Variants in ENTPD5 observed in about 807,000 individuals in gnomAD.
ENTPD5 encodes the protein nucleoside diphosphate phosphatase ENTPD5.
A neutral mutation model predicts 60.2 loss-of-function variants in ENTPD5; 49 were observed. The ratio of observed to expected loss-of-function variants is 0.81; its 90% CI spans 0.65 to 1.03. ENTPD5 has a LOEUF of 1.03. ENTPD5 is among the 50% of genes least tolerant of loss of function. ENTPD5 has a pLI of 0.00. For synonymous variants in ENTPD5, 187 were observed against 185.4 expected, an observed-to-expected ratio of 1.01 and a Z score of -0.07; for missense variants, 480 against 507.6, an observed-to-expected ratio of 0.95 and a Z score of 0.52.
In ENTPD5 at chr14:73,971,851, C is replaced by A; in HGVS notation, c.1084+1G>T. On this transcript the variant is annotated splice_donor_variant, in intron 14 of 15. Coordinates refer to ENST00000334696, the MANE Select transcript of ENTPD5 (RefSeq NM_001249.5). LOFTEE classifies it high-confidence loss of function. ...CTTCAAGGGCTTCCCCTGACACTTACCTTCCCTGGCTTTTCTTTCAAAATC... is the reference window on the plus strand; with the variant it reads ...CTTCAAGGGCTTCCCCTGACACTTAACTTCCCTGGCTTTTCTTTCAAAATC... The A allele has an allele frequency of 1.2e-6, 2 of 1,604,798 alleles. No individual in the cohort carries two copies. Among genetic ancestry groups the A allele is most frequent in the South Asian group, 1.1e-5 (1 of 90,900 alleles).
intron 6 of ENTPD5, among the ~76,000 whole-genome samples, chr14:73,979,943 A>ATTT (rs554438546): frequency 2.7e-4 from 34 of 127,550 alleles, no homozygotes; most frequent in South Asian, 1.3e-3. Flanking sequence ...TTTTGCCATG[A>ATTT]TTTTTTTTTT....
chr14:74,010,005 T>G (rs1030454688), intron 3 of ENTPD5, among the ~76,000 whole-genome samples: 1 of 152,118 alleles, frequency 6.6e-6, no homozygotes, highest in Non-Finnish European at 1.5e-5. Context: ...TTAGCCAGGA[T>G]GGTCTCGATC....
At chr14:74,010,272 C>T (rs577254739) in intron 3 of ENTPD5, among the ~76,000 whole-genome samples, 22 of 152,046 alleles carry the variant, frequency 1.4e-4, no homozygotes, top group Middle Eastern at 3.4e-3. Flanking sequence ...AAAGTGTTTT[C>T]GGCCAGGCGC....
chr14:74,005,586 T>C (rs955071307), intron 3 of ENTPD5, among the ~76,000 whole-genome samples: 11 of 152,004 alleles, frequency 7.2e-5, no homozygotes, highest in African/African-American at 2.4e-4. Flanking sequence ...GGGGAGTGGA[T>C]CACCTGAGGT....
chr14:73,976,126 G>A (rs1414668579), intron 9 of ENTPD5, 111 bp from the exon 10 acceptor site: 1 of 954,210 alleles, frequency 1.0e-6, no homozygotes, highest in African/African-American at 1.6e-5. Flanking sequence ...ACAGATTAAG[G>A]GGCTAATCTC....
chr14:73,975,117 T>G (rs1322692925), intron 10 of ENTPD5, 132 bp from the exon 11 acceptor site: 2 of 709,128 alleles, frequency 2.8e-6, no homozygotes, highest in African/African-American at 1.8e-5. Flanking sequence ...TGTGACATAT[T>G]CATCTCCTGT....
In ENTPD5 at chr14:73,986,849, G is replaced by T. The variant is rs754787824; in HGVS notation, c.262C>A (p.Pro88Thr). 5 of 1,613,962 alleles carry T rather than the reference G, an allele frequency of 3.1e-6. No homozygotes were observed. Among genetic ancestry groups the T allele is most frequent in the Non-Finnish European group, 3.4e-6 (4 of 1,179,982 alleles). ...TGATCTACAAAAGCAGAAAGTCCTG[G>T]CTTCACAGAATCAAAAACTTCCCCT... Reference protein sequence around the residue: ...LEGEVFDSVKPGLSAFVDQPK... With the variant: ...LEGEVFDSVKTGLSAFVDQPK... Residue 88 changes from proline to threonine, a missense_variant, in exon 5 of 16, where the codon CCA becomes ACA. Transcript: ENST00000334696.
Position 74,014,566 on chromosome 14 carries a change from T to C in ENTPD5, c.-131+1258A>G, listed in dbSNP as rs10137581. The stretch of plus-strand genomic sequence containing the variant: ...ACCCTGTCATTCATTAACAAATAAA[T>C]AAACAAATAATTATCTGTGGTAACA... On this transcript the variant is annotated intron_variant, in intron 2 of 15. Coordinates refer to ENST00000334696, the MANE Select transcript of ENTPD5 (RefSeq NM_001249.5). Among the ~76,000 whole-genome samples, 1,252 of 151,908 alleles carry C rather than the reference T, an allele frequency of 8.2e-3. 17 individuals are homozygous for C. The highest frequency in any genetic ancestry group is 0.029 in the African/African-American group (1,189 of 41,414).
chr14:74,003,558 G>A, intron 3 of ENTPD5: 1 of 692,640 alleles, frequency 1.4e-6, no homozygotes, highest in Non-Finnish European at 2.5e-6. Flanking sequence ...CAAGTTGTGG[G>A]ACTGCATGCT....
intron 3 of ENTPD5, among the ~76,000 whole-genome samples, chr14:74,002,045 T>G (rs1376710795): frequency 6.6e-6 from 1 of 152,154 alleles, no homozygotes; most frequent in East Asian, 1.9e-4. Flanking sequence ...GAGATCTTAG[T>G]AGATGCCAAG....
intron 1 of ENTPD5, 119 bp from the exon 2 acceptor site, chr14:74,016,049 T>G (rs1477701957): frequency 2.0e-5 from 3 of 152,212 alleles, no homozygotes; most frequent in Admixed American, 6.5e-5. Context: ...TAATAATTCC[T>G]GGAACTTCAT....
downstream of ENTPD5, among the ~76,000 whole-genome samples, chr14:73,957,319 T>TCGTGATC (rs2056485039): frequency 3.9e-5 from 6 of 152,210 alleles, no homozygotes; most frequent in South Asian, 1.2e-3. Context: ...TCTCCTGACC[T>TCGTGATC]CGTGATCCAC....
intron 3 of ENTPD5, chr14:73,996,061 T>G: frequency 6.1e-6 from 5 of 825,358 alleles, no homozygotes; most frequent in Non-Finnish European, 7.3e-6. Flanking sequence ...CCCGGAAGCC[T>G]GAGAGACCAC....
rs767019500 is a variant in ENTPD5 at position 73,976,392 on chromosome 14, G to A, written c.574C>T (p.Gln192Ter). ...AGGTCCAAGGTCCCCACAGTCTCCT[G>A]TCTGTGGCCATGCAGCTGACCTGTC... is the stretch of plus-strand genomic sequence containing the variant. ...FLTGQLHGHR[Q>*]ETVGTLDLGG... Residue 192 changes from glutamine (Q) to a stop codon, truncating the protein, a stop_gained, in exon 9 of 16, where the codon CAG (glutamine) becomes TAG (stop). Transcript: ENST00000334696. LOFTEE classifies it high-confidence loss of function. 6.2e-7 allele frequency: 1 copy of A among 1,614,152 alleles called. No homozygotes were observed. The highest frequency in any genetic ancestry group is 8.5e-7 in the Non-Finnish European group (1 of 1,179,996).
chr14:73,986,949 G>A (rs1419370559), intron 4 of ENTPD5, 56 bp from the exon 5 acceptor site: 1 of 1,271,802 alleles, frequency 7.9e-7, no homozygotes, highest in Non-Finnish European at 1.2e-6. Context: ...AAGTTAGGCT[G>A]CTTCAGATGC....
At chr14:74,019,223 C>A (rs113908274) in intron 1 of ENTPD5, 27 bp downstream of exon 1, 15,009 of 170,752 alleles carry the variant, frequency 0.088, 855 homozygotes, top group South Asian at 0.26. Context: ...GTAGAGGATC[C>A]GGCGCCGCCG....
Position 73,975,941 on chromosome 14 carries a change from T to A in ENTPD5, c.717A>T (p.Thr239=), listed in dbSNP as rs759019640. ...EMFNSTYKLY[T]HSYLGFGLKA... ...TTCCCTGTCCCCGTCCTCACCTATG[T>A]GTATAGAGCTTATAAGTGCTGTTAA... Residue 239 remains threonine, a synonymous_variant, in exon 10 of 16, where the codon ACA becomes ACT. Coordinates refer to ENST00000334696, the MANE Select transcript of ENTPD5 (RefSeq NM_001249.5). The A allele has an allele frequency of 3.7e-6, 6 of 1,607,962 alleles. No individual in the cohort carries two copies. Among genetic ancestry groups the A allele is most frequent in the Non-Finnish European group, 5.1e-6 (6 of 1,175,360 alleles).
intron 15 of ENTPD5, among the ~76,000 whole-genome samples, chr14:73,969,672 C>T (rs990683721): frequency 6.6e-6 from 1 of 151,834 alleles, no homozygotes; most frequent in Non-Finnish European, 1.5e-5. Context: ...CCATTGCACT[C>T]CAGCCCAGGA....
chr14:73,988,257 A>G (rs1734770242), intron 3 of ENTPD5, 85 bp from the exon 4 acceptor site: 3 of 1,293,464 alleles, frequency 2.3e-6, no homozygotes, highest in Non-Finnish European at 3.1e-6. Flanking sequence ...CCTGGGCCCA[A>G]GGTGTTCCTT....
Sources: allele counts gnomAD v4.1 joint callset (sites outside exome capture counted in the v4.1 genomes callset), GRCh38; gene constraint gnomAD v4.1.1; transcripts MANE v1.5; gene names NCBI Gene and HGNC (gene_info 2026-07-23, HGNC 2026-07-21).